ABCB7: variants seen among roughly 807,000 people sequenced by gnomAD.
ABCB7 encodes the protein iron-sulfur clusters transporter ABCB7, mitochondrial.
ABCB7 carries 7 observed loss-of-function variants against 54.4 expected under a neutral mutation model. The observed-to-expected ratio is 0.13, with a 90% confidence interval of 0.07 to 0.24. ABCB7 has a LOEUF of 0.24. ABCB7 is among the 10% of genes least tolerant of loss of function. The pLI is 1.00. For missense variants in ABCB7, 356 were observed against 570.4 expected, an observed-to-expected ratio of 0.62 and a Z score of 3.83; for synonymous variants, 218 against 207.1, an observed-to-expected ratio of 1.05 and a Z score of -0.45.
intron 1 of ABCB7, among the ~76,000 whole-genome samples, chrX:75,138,633 C>T (rs927844942): frequency 9.0e-6 from 1 of 111,517 alleles, no homozygotes; most frequent in Non-Finnish European, 1.9e-5. Flanking sequence ...AGTTCCCAAG[C>T]CTGAATATAC....
chrX:75,145,546 C>A (rs1292877493), intron 1 of ABCB7, among the ~76,000 whole-genome samples: 1 of 111,800 alleles, frequency 8.9e-6, no homozygotes, highest in African/African-American at 3.3e-5. Context: ...ATGTTAAAAA[C>A]TCTCAATAAA....
intron 12 of ABCB7, among the ~76,000 whole-genome samples, chrX:75,067,935 T>C (rs1222727478): frequency 3.6e-5 from 4 of 111,897 alleles, no homozygotes; most frequent in Non-Finnish European, 7.5e-5. Context: ...TTAAATTAGA[T>C]TATCTAATCC....
intron 1 of ABCB7, among the ~76,000 whole-genome samples, chrX:75,125,105 A>G (rs2081913171): frequency 9.0e-6 from 1 of 111,512 alleles, no homozygotes; most frequent in South Asian, 3.7e-4. Flanking sequence ...TGATTAAATT[A>G]CCTCGAAAAT....
chrX:75,096,013 T>A (rs2081587597), intron 4 of ABCB7, among the ~76,000 whole-genome samples: 1 of 111,932 alleles, frequency 8.9e-6, no homozygotes, highest in Non-Finnish European at 1.9e-5. Flanking sequence ...TAATTAGTCA[T>A]GTTCTAACCT....
chrX:75,145,397 T>C (rs1413930091), intron 1 of ABCB7, among the ~76,000 whole-genome samples: 1 of 111,545 alleles, frequency 9.0e-6, no homozygotes, highest in Admixed American at 9.6e-5. Flanking sequence ...AAGTAGGCTT[T>C]ATCCCCAGGA....
chrX:75,061,282 C>G lies in ABCB7; in HGVS notation c.1936-952G>C, dbSNP rs757784933. Reference sequence around the variant, plus strand: ...ATCTTCTAATAACTCCTCCCCTTGGCGGGTTGTCTATTGGCTCTTAATGGG... The same window carrying G: ...ATCTTCTAATAACTCCTCCCCTTGGGGGGTTGTCTATTGGCTCTTAATGGG... On this transcript the variant is annotated intron_variant, in intron 14 of 15. Transcript: ENST00000373394. 3.6e-5 allele frequency among the ~76,000 whole-genome samples: 4 copies of G among 111,600 alleles called. 1 individual carries two copies. In the South Asian group the frequency reaches 1.5e-3, roughly 42 times the overall value.
chrX:75,149,141 G>A (rs958197379), intron 1 of ABCB7, among the ~76,000 whole-genome samples: 1 of 110,823 alleles, frequency 9.0e-6, no homozygotes, highest in Non-Finnish European at 1.9e-5. Flanking sequence ...CTTAGGATGC[G>A]GTTTCCCTAC....
At chrX:75,057,346 C>T (rs1436717431) in intron 15 of ABCB7, among the ~76,000 whole-genome samples, 5 of 108,379 alleles carry the variant, frequency 4.6e-5, no homozygotes, top group Non-Finnish European at 7.6e-5. Flanking sequence ...TTTCACTTAC[C>T]AATATATTCT....
Position 75,060,201 on chromosome X carries a change from A to T in ABCB7, c.2043+22T>A, listed in dbSNP as rs371348224. On this transcript the variant is annotated intron_variant, in intron 15 of 15. Coordinates refer to ENST00000373394, the MANE Select transcript of ABCB7 (RefSeq NM_001271696.3). The stretch of plus-strand genomic sequence containing the variant: ...ATTTCCAGTGTTCCTCAAATACTAA[A>T]CTTTAAAGTTAAATGTCTTACCTGA... 5 of 1,139,071 alleles carry T rather than the reference A, an allele frequency of 4.4e-6. No individual in the cohort carries two copies. In the African/African-American group the frequency reaches 7.2e-5, roughly 16 times the overall value. The allele number at this position is 1,139,071 out of a possible 1,213,427, so 93.9% of individuals were successfully genotyped here.
chrX:75,111,231 G>T (rs1263672884), intron 3 of ABCB7, among the ~76,000 whole-genome samples: 5 of 112,337 alleles, frequency 4.5e-5, no homozygotes, highest in Non-Finnish European at 7.5e-5. Flanking sequence ...AGACAGCAGA[G>T]ATTTTGTCTT....
At chrX:75,142,939 A>G (rs1015668284) in intron 1 of ABCB7, among the ~76,000 whole-genome samples, 7 of 112,428 alleles carry the variant, frequency 6.2e-5, no homozygotes, top group African/African-American at 2.3e-4. Context: ...TTTTGTAAAC[A>G]TAGAGCTGTA....
intron 1 of ABCB7, 115 bp downstream of exon 1, chrX:75,155,990 A>T: frequency 2.3e-6 from 2 of 851,723 alleles, no homozygotes; most frequent in Non-Finnish European, 3.4e-6. Context: ...TGCTGCTCCC[A>T]GTTAGCCATG....
chrX:75,087,321 T>A (rs2081505910), intron 4 of ABCB7, among the ~76,000 whole-genome samples: 1 of 111,888 alleles, frequency 8.9e-6, no homozygotes, highest in African/African-American at 3.2e-5. Flanking sequence ...ATTATCAGGG[T>A]AGTGGTAGAA....
At position 75,114,748 on chromosome X, in the gene ABCB7, T is replaced by A. The variant is rs772131582; in HGVS notation, c.246+6A>T. 1 of 1,195,931 alleles carries A rather than the reference T, an allele frequency of 8.4e-7. No individual in the cohort carries two copies. The highest frequency in any genetic ancestry group is 3.0e-5 in the East Asian group (1 of 32,843). Reference sequence around the variant, plus strand: ...GCTATATGTAGACATGTTTGCTCAATCTTACCTTTGCAGCATCTAAGAACT... The same window carrying A: ...GCTATATGTAGACATGTTTGCTCAAACTTACCTTTGCAGCATCTAAGAACT... On this transcript the variant is annotated splice_donor_region_variant and intron_variant, in intron 2 of 15. Coordinates refer to ENST00000373394, the MANE Select transcript of ABCB7 (RefSeq NM_001271696.3).
rs780538510 is a variant in ABCB7, at chrX:75,156,208, C to T, written c.65G>A (p.Arg22Gln). 1.7e-6 allele frequency: 2 copies of T among 1,203,191 alleles called. No homozygotes were observed. Among genetic ancestry groups the T allele is most frequent in the African/African-American group, 3.5e-5 (2 of 57,072 alleles). Reference sequence around the variant, plus strand: ...AGGCCGGATCAGAATCGCGGAGTGCCGGCGCTTTTCGAAAGCAGCCGCCGC... The same window carrying T: ...AGGCCGGATCAGAATCGCGGAGTGCTGGCGCTTTTCGAAAGCAGCCGCCGC... ...AAAAAAFEKR[R>Q]HSAILIRPLV... The change falls in exon 1 of 16, where the codon CGG (arginine) becomes CAG (glutamine). Residue 22 changes from arginine to glutamine, a missense_variant. Around this residue, in one of 2 missense-constraint regions of ABCB7, gnomAD observed 115 missense variants for 99.5 expected, o/e 1.16. Coordinates refer to ENST00000373394, the MANE Select transcript of ABCB7 (RefSeq NM_001271696.3).
At chrX:75,061,744 G>A (rs1009045057) in intron 14 of ABCB7, among the ~76,000 whole-genome samples, 3 of 112,195 alleles carry the variant, frequency 2.7e-5, no homozygotes, top group African/African-American at 9.7e-5. Flanking sequence ...TGTATGTAAT[G>A]TAAAGATGTT....
chrX:75,107,701 T>C (rs1022642263), intron 3 of ABCB7, among the ~76,000 whole-genome samples: 8 of 110,887 alleles, frequency 7.2e-5, no homozygotes, highest in African/African-American at 2.3e-4. Context: ...CCAGAAGTGA[T>C]ACACAGTTAC....
At chrX:75,144,168 T>G (rs895661973) in intron 1 of ABCB7, among the ~76,000 whole-genome samples, 1 of 111,511 alleles carries the variant, frequency 9.0e-6, no homozygotes, top group African/African-American at 3.3e-5. Context: ...TGCCTATTTC[T>G]AATCTTTCCC....
chrX:75,104,319 T>A (rs1457831919), intron 3 of ABCB7, among the ~76,000 whole-genome samples: 1 of 107,771 alleles, frequency 9.3e-6, no homozygotes, highest in Non-Finnish European at 1.9e-5. Context: ...AAGAACAAAA[T>A]ATAAGATTCA....
Sources: allele counts gnomAD v4.1 joint callset (sites outside exome capture counted in the v4.1 genomes callset), GRCh38; gene constraint gnomAD v4.1.1; regional missense constraint gnomAD v4.1.1; transcripts MANE v1.5; gene names NCBI Gene and HGNC (gene_info 2026-07-23, HGNC 2026-07-21).